Variants in GLIS3 observed in about 807,000 individuals in gnomAD.
GLIS3 encodes GLIS family zinc finger 3.
GLIS3 carries 53 observed loss-of-function variants against 78.6 expected under a neutral mutation model. The ratio of observed to expected loss-of-function variants is 0.67; its 90% CI spans 0.54 to 0.85. The LOEUF is 0.85. GLIS3 is among the 40% of genes least tolerant of loss of function. GLIS3 has a pLI of 0.00. For synonymous variants in GLIS3, 684 were observed against 509.9 expected (o/e 1.34, Z -4.60); for missense variants, 1,703 against 1,231.1 (o/e 1.38, Z -5.74).
intron 2 of GLIS3, among the ~76,000 whole-genome samples, chr9:4,137,924 T>G (rs1833521336): frequency 6.6e-6 from 1 of 152,236 alleles, no homozygotes; most frequent in African/African-American, 2.4e-5. Context: ...CCAGGGGAAG[T>G]AAGCAGATAC....
chr9:4,427,856 T>TA, the GLIS3 span, among the ~76,000 whole-genome samples: 2,685 of 149,328 alleles, frequency 0.018, 74 homozygotes, highest in African/African-American at 0.063. Context: ...AAGACTCCAT[T>TA]AAAAAAAAAG....
At chr9:4,400,860 A>G in the GLIS3 span, among the ~76,000 whole-genome samples, 1 of 152,202 alleles carries the variant, frequency 6.6e-6, no homozygotes, top group African/African-American at 2.4e-5. Context: ...CAGTCTTGAC[A>G]GGATTCATCA....
intron 1 of GLIS3, among the ~76,000 whole-genome samples, chr9:4,294,290 C>T (rs998506920): frequency 5.9e-5 from 9 of 152,190 alleles, no homozygotes; most frequent in African/African-American, 2.2e-4. Flanking sequence ...GGGTGGATCA[C>T]CTGAGGTCAG....
chr9:4,372,722 C>G, the GLIS3 span, among the ~76,000 whole-genome samples: 7 of 152,244 alleles, frequency 4.6e-5, no homozygotes, highest in South Asian at 4.1e-4. Flanking sequence ...ACATGATTTT[C>G]CTAAAGACTC....
chr9:4,190,728 T>C (rs1279200327), intron 2 of GLIS3, among the ~76,000 whole-genome samples: 1 of 151,956 alleles, frequency 6.6e-6, no homozygotes, highest in South Asian at 2.1e-4. Context: ...GACACATAAT[T>C]GTCAGATTTA....
the GLIS3 span, among the ~76,000 whole-genome samples, chr9:4,397,638 G>T: frequency 6.5e-5 from 8 of 122,656 alleles, no homozygotes; most frequent in Non-Finnish European, 1.1e-4. Context: ...AAGGAAGGAA[G>T]AAAAGGAAGG....
At chr9:4,288,722 A>G (rs1828206650) in intron 1 of GLIS3, among the ~76,000 whole-genome samples, 1 of 131,080 alleles carries the variant, frequency 7.6e-6, no homozygotes. Flanking sequence ...CCCGTTTTAA[A>G]TAGTTTTAGG....
chr9:4,415,734 C>T, the GLIS3 span, among the ~76,000 whole-genome samples: 28 of 151,922 alleles, frequency 1.8e-4, no homozygotes, highest in Non-Finnish European at 3.8e-4. Flanking sequence ...ATTATGTCCC[C>T]AGAAAACAGA....
the GLIS3 span, among the ~76,000 whole-genome samples, chr9:4,435,354 G>C: frequency 6.8e-4 from 103 of 152,264 alleles, no homozygotes; most frequent in African/African-American, 2.3e-3. Flanking sequence ...AGGAAGGTTG[G>C]GTAATGTCCC....
intron 2 of GLIS3, among the ~76,000 whole-genome samples, chr9:4,315,541 T>C (rs1162118651): frequency 1.3e-5 from 2 of 152,212 alleles, no homozygotes; most frequent in African/African-American, 4.8e-5. Flanking sequence ...AGTTAATTCC[T>C]AAACTTCACC....
chr9:4,182,391 T>C (rs1012544844), intron 2 of GLIS3, among the ~76,000 whole-genome samples: 1 of 152,314 alleles, frequency 6.6e-6, no homozygotes, highest in Non-Finnish European at 1.5e-5. Flanking sequence ...AAATACCTGA[T>C]TTTCCCCAAA....
Position 4,075,252 on chromosome 9 carries a change from A to G in GLIS3, c.1710+42516T>C, listed in dbSNP as rs540619677. ...CTTTTATCAATTAGATGTCAGTAAG[A>G]TTTATTGAAAGCTTAAAAATAAAAA... On this transcript the variant is annotated intron_variant, in intron 4 of 10. Coordinates refer to ENST00000381971, the MANE Select transcript of GLIS3 (RefSeq NM_001042413.2). 1.8e-4 allele frequency among the ~76,000 whole-genome samples: 27 copies of G among 152,176 alleles called. No individual in the cohort carries two copies. The South Asian group carries it at 1.9e-3, about 11-fold the overall frequency.
upstream of GLIS3, among the ~76,000 whole-genome samples, chr9:4,351,336 T>C (rs1378161760): frequency 6.7e-6 from 1 of 148,992 alleles, no homozygotes; most frequent in African/African-American, 2.5e-5. Flanking sequence ...ACCTGGGAGG[T>C]TGAAGCTTCA....
chr9:3,881,752 T>C (rs927519235), intron 7 of GLIS3, among the ~76,000 whole-genome samples: 1 of 152,238 alleles, frequency 6.6e-6, no homozygotes, highest in African/African-American at 2.4e-5. Context: ...TACTTGATAC[T>C]CTATGTGTGT....
At chr9:4,453,345 C>CAAAAAAAAAAA in the GLIS3 span, among the ~76,000 whole-genome samples, 20 of 91,648 alleles carry the variant, frequency 2.2e-4, no homozygotes, top group East Asian at 7.3e-4. Context: ...TTCTGCACAG[C>CAAAAAAAAAAA]AAAAAAAAAA....
At chr9:4,411,096 A>G in the GLIS3 span, among the ~76,000 whole-genome samples, 2 of 152,236 alleles carry the variant, frequency 1.3e-5, no homozygotes, top group African/African-American at 2.4e-5. Flanking sequence ...TAATATTAGT[A>G]AACACAACAG....
intron 4 of GLIS3, among the ~76,000 whole-genome samples, chr9:4,106,214 C>G (rs183288667): frequency 6.6e-6 from 1 of 152,168 alleles, no homozygotes; most frequent in African/African-American, 2.4e-5. Context: ...TCTAAAGCCA[C>G]TGGAAAGCAC....
In GLIS3 at chr9:4,042,098, C is replaced by T. The variant is rs10123074; in HGVS notation, c.1710+75670G>A. ...CTCAATAAGATTTCTGAATAGAACG[C>T]ACGTTAATCATTTCAAAAGCTTGGG... On this transcript the variant is annotated intron_variant, in intron 4 of 10. Coordinates refer to ENST00000381971, the MANE Select transcript of GLIS3 (RefSeq NM_001042413.2). Among the ~76,000 whole-genome samples the T allele has an allele frequency of 3.8e-3, 583 of 152,196 alleles. 4 individuals carry two copies. The highest frequency in any genetic ancestry group is 0.014 in the African/African-American group (566 of 41,526).
chr9:3,988,554 A>C (rs767231122), intron 4 of GLIS3, among the ~76,000 whole-genome samples: 1 of 152,212 alleles, frequency 6.6e-6, no homozygotes, highest in Non-Finnish European at 1.5e-5. Flanking sequence ...GTATTGATGA[A>C]TTAATACATA....
Sources: allele counts gnomAD v4.1 joint callset (sites outside exome capture counted in the v4.1 genomes callset), GRCh38; gene constraint gnomAD v4.1.1; transcripts MANE v1.5; gene names NCBI Gene and HGNC (gene_info 2026-07-23, HGNC 2026-07-21).